Variants in ANK2 observed in about 807,000 individuals in gnomAD.
ANK2 encodes ankyrin 2.
ANK2 carries 83 observed loss-of-function variants against 360.5 expected under a neutral mutation model. The ratio of observed to expected loss-of-function variants is 0.23; its 90% CI spans 0.19 to 0.28. The LOEUF is 0.28. Among genes scored for constraint, ANK2 ranks in the 10% least tolerant of loss-of-function variants. ANK2 has a pLI of 1.00. For synonymous variants in ANK2, 1,740 were observed against 1,759.5 expected (o/e 0.99, Z 0.28); for missense variants, 4,201 against 4,795.7 (o/e 0.88, Z 3.66).
chr4:113,194,972 G>A (rs989742389), intron 2 of ANK2, among the ~76,000 whole-genome samples: 2 of 152,098 alleles, frequency 1.3e-5, no homozygotes, highest in Admixed American at 1.3e-4. Flanking sequence ...CAGTGAAACT[G>A]ATAGATATGT....
At chr4:112,778,715 A>G in the ANK2 span, among the ~76,000 whole-genome samples, 1 of 152,084 alleles carries the variant, frequency 6.6e-6, no homozygotes, top group Admixed American at 6.5e-5. Flanking sequence ...CTGCAATAGG[A>G]TTGTTACCTA....
chr4:112,906,384 T>G (rs1045730157), intron 2 of ANK2, among the ~76,000 whole-genome samples: 1 of 152,206 alleles, frequency 6.6e-6, no homozygotes, highest in Non-Finnish European at 1.5e-5. Context: ...GCAAAAAAGA[T>G]AGCTTTTTGA....
Position 113,358,815 on chromosome 4 carries a change from A to G in ANK2, c.10197A>G (p.Ser3399=). 6.2e-7 allele frequency: 1 copy of G among 1,614,130 alleles called. No individual in the cohort carries two copies. The highest frequency in any genetic ancestry group is 8.5e-7 in the Non-Finnish European group (1 of 1,179,972). Residue 3399 remains serine, a synonymous_variant, in exon 38 of 46, where the codon TCA becomes TCG. Transcript: ENST00000357077. ...AATCTGATGCTAGTTCTTTGGATTC[A>G]AAGACCAAATGCCCAGTAAAAACCC... ...KSESDASSLD[S]KTKCPVKTRS...
intron 1 of ANK2, among the ~76,000 whole-genome samples, chr4:112,856,262 G>A (rs532568509): frequency 4.6e-5 from 7 of 152,150 alleles, no homozygotes; most frequent in Non-Finnish European, 1.0e-4. Flanking sequence ...CACGCTTGAG[G>A]AAGGGGAATG....
At position 113,174,274 on chromosome 4, in the gene ANK2, A is replaced by G. The variant is rs76605038; in HGVS notation, c.85-142A>G. 4.9e-3 allele frequency: 3,180 copies of G among 648,982 alleles called. 14 individuals are homozygous for G. The highest frequency in any genetic ancestry group is 6.6e-3 in the Non-Finnish European group (2,359 of 355,116). The allele number at this position is 648,982 out of a possible 1,614,324, so 40.2% of individuals were successfully genotyped here. A position where few individuals can be genotyped will look rare whatever the true frequency, so the allele number is the denominator to read the frequency against. ...TTGCTACCTTATATAGTGAATGATTATTCAATGTTTTAAACTCCGTATTAT... is the reference window on the plus strand; with the variant it reads ...TTGCTACCTTATATAGTGAATGATTGTTCAATGTTTTAAACTCCGTATTAT... On this transcript the variant is annotated intron_variant, in intron 1 of 45. Coordinates refer to ENST00000357077, the MANE Select transcript of ANK2 (RefSeq NM_001148.6).
At chr4:112,867,172 G>T (rs746153946) in intron 1 of ANK2, among the ~76,000 whole-genome samples, 3 of 151,466 alleles carry the variant, frequency 2.0e-5, no homozygotes, top group African/African-American at 4.8e-5. Context: ...TGCATTGAAA[G>T]TATTTTCTTA....
intron 23 of ANK2, among the ~76,000 whole-genome samples, chr4:113,307,840 A>G (rs187984647): frequency 6.6e-6 from 1 of 152,346 alleles, no homozygotes; most frequent in East Asian, 1.9e-4. Flanking sequence ...CCTGCAGTAC[A>G]CTGATGCTTT....
chr4:112,829,401 A>G (rs968857289), intron 1 of ANK2, among the ~76,000 whole-genome samples: 1 of 150,216 alleles, frequency 6.7e-6, no homozygotes, highest in Non-Finnish European at 1.5e-5. Flanking sequence ...CATGCCTATA[A>G]TCCCAGCACT....
At chr4:112,962,081 T>C (rs1391473092) in intron 2 of ANK2, among the ~76,000 whole-genome samples, 1 of 152,180 alleles carries the variant, frequency 6.6e-6, no homozygotes, top group East Asian at 1.9e-4. Flanking sequence ...TTAATTTTTG[T>C]CTTTGTTTTT....
chr4:112,848,980 C>T (rs574680811), intron 1 of ANK2, among the ~76,000 whole-genome samples: 5 of 152,314 alleles, frequency 3.3e-5, no homozygotes, highest in African/African-American at 9.6e-5. Context: ...GTGAAACAAT[C>T]TGCAAAATTG....
chr4:112,747,392 G>A, the ANK2 span, among the ~76,000 whole-genome samples: 2 of 152,222 alleles, frequency 1.3e-5, no homozygotes, highest in African/African-American at 2.4e-5. Flanking sequence ...GACTTTAAAT[G>A]TAAAAATCAC....
intron 1 of ANK2, among the ~76,000 whole-genome samples, chr4:113,061,169 C>T (rs1329271064): frequency 6.6e-6 from 1 of 152,018 alleles, no homozygotes; most frequent in Non-Finnish European, 1.5e-5. Context: ...ACCTTGGTAC[C>T]TCTTCCAGAT....
chr4:112,762,583 C>T, the ANK2 span, among the ~76,000 whole-genome samples: 1 of 152,194 alleles, frequency 6.6e-6, no homozygotes, highest in South Asian at 2.1e-4. Flanking sequence ...GATTTCGGCT[C>T]ACTGCAACCT....
chr4:112,772,968 A>G, the ANK2 span, among the ~76,000 whole-genome samples: 1 of 152,214 alleles, frequency 6.6e-6, no homozygotes, highest in Non-Finnish European at 1.5e-5. Flanking sequence ...ATATGTACCA[A>G]CTGAGAACCT....
chr4:113,287,541 A>G (rs1244798999), intron 18 of ANK2, 64 bp from the exon 19 acceptor site: 2 of 1,198,082 alleles, frequency 1.7e-6, no homozygotes, highest in Non-Finnish European at 2.5e-6. Flanking sequence ...TTTTCATAAT[A>G]TTATAGATGA....
intron 3 of ANK2, among the ~76,000 whole-genome samples, chr4:113,197,584 C>A (rs1190213255): frequency 7.9e-5 from 12 of 151,988 alleles, no homozygotes; most frequent in Non-Finnish European, 5.9e-5. Flanking sequence ...AGTAAACAAA[C>A]AAACAAAAAA....
chr4:113,355,384 G>A lies in ANK2; in HGVS notation c.6766G>A (p.Glu2256Lys). The A allele has an allele frequency of 6.2e-7, 1 of 1,613,942 alleles. No homozygotes were observed. ...SLSFSPKKSE[E>K]QTGETKESTK... ...TTCTTTCTCACCAAAGAAAAGTGAG[G>A]AGCAAACTGGGGAAACAAAGGAAAG... Residue 2256 changes from glutamate to lysine, a missense_variant, in exon 38 of 46, where the codon GAG becomes AAG. Physicochemically the swap from Glu to Lys is moderately conservative, Grantham distance 56. This residue lies in a region of ANK2 where 2,642 missense variants were observed against 2,714.5 expected (regional missense o/e 0.97). Coordinates refer to ENST00000357077, the MANE Select transcript of ANK2 (RefSeq NM_001148.6).
intron 2 of ANK2, among the ~76,000 whole-genome samples, chr4:112,987,610 C>T (rs1347350396): frequency 6.6e-6 from 1 of 151,934 alleles, no homozygotes; most frequent in East Asian, 1.9e-4. Flanking sequence ...GTCATACCCA[C>T]CAACAGGATT....
intron 1 of ANK2, among the ~76,000 whole-genome samples, chr4:112,823,844 T>A (rs937393555): frequency 6.6e-6 from 1 of 152,232 alleles, no homozygotes; most frequent in Non-Finnish European, 1.5e-5. Flanking sequence ...ATTGGCCCAT[T>A]GTATATACCA....
Sources: allele counts gnomAD v4.1 joint callset (sites outside exome capture counted in the v4.1 genomes callset), GRCh38; gene constraint gnomAD v4.1.1; regional missense constraint gnomAD v4.1.1; transcripts MANE v1.5; gene names NCBI Gene and HGNC (gene_info 2026-07-23, HGNC 2026-07-21).